The following LIG3 variants were observed in gnomAD, a reference collection of about 807,000 sequenced individuals.
LIG3 encodes ligase II, DNA, ATP-dependent.
In LIG3, 58 loss-of-function variants were observed where a neutral mutation model predicts 110.9. The observed-to-expected ratio is 0.52, with a 90% CI of 0.42 to 0.65. LIG3 has a LOEUF of 0.65. Among genes scored for constraint, LIG3 ranks in the 30% least tolerant of loss-of-function variants. LIG3 has a pLI of 0.00. For missense variants in LIG3, 1,094 were observed against 1,273.8 expected, an observed-to-expected ratio of 0.86 and a Z score of 2.15; for synonymous variants, 422 against 472.8, an observed-to-expected ratio of 0.89 and a Z score of 1.39.
chr17:35,008,520 C>A lies in LIG3; in HGVS notation c.*4014C>A, dbSNP rs1225392625. 1 of 152,034 alleles carries A rather than the reference C, an allele frequency of 6.6e-6. No homozygotes were observed. The highest frequency in any genetic ancestry group is 1.9e-4 in the East Asian group (1 of 5,188). The allele number at this position is 152,034 out of a possible 1,614,324, so 9.4% of individuals were successfully genotyped here. On this transcript the variant is annotated 3_prime_UTR_variant, in exon 20 of 20. Transcript: ENST00000378526. Reference sequence around the variant, plus strand: ...GATCAGAGCTCACTGCAGCTTCAATCTCCTGGCTCAAGTGATCCTCCCACC... The same window carrying A: ...GATCAGAGCTCACTGCAGCTTCAATATCCTGGCTCAAGTGATCCTCCCACC...
At chr17:34,990,808 G>C (rs2090711372) in intron 4 of LIG3, among the ~76,000 whole-genome samples, 155 bp from the exon 5 acceptor site, 1 of 152,120 alleles carries the variant, frequency 6.6e-6, no homozygotes, top group Non-Finnish European at 1.5e-5. Context: ...TTGTTGCCAG[G>C]GTGGTCTCAA....
At chr17:34,995,309 G>A (rs1299070646) in intron 9 of LIG3, among the ~76,000 whole-genome samples, 2 of 152,186 alleles carry the variant, frequency 1.3e-5, no homozygotes, top group Non-Finnish European at 2.9e-5. Context: ...TTTAATGCAG[G>A]TTCACGTGTT....
Position 34,992,032 on chromosome 17 carries a change from A to G in LIG3, c.1283A>G (p.His428Arg), listed in dbSNP as rs770563277. Residue 428 changes from histidine (H) to arginine (R), a missense_variant, in exon 7 of 20, where the codon CAT becomes CGT. His to Arg is a conservative substitution (Grantham distance 29). Transcript: ENST00000378526. ...HDLKMNSGAK[H>R]VLDALDPNAY... ...CTGAAGATGAACTCAGGTGCAAAACATGTGTAAGTAGCAGCTCCGCTGACA... is the reference window on the plus strand; with the variant it reads ...CTGAAGATGAACTCAGGTGCAAAACGTGTGTAAGTAGCAGCTCCGCTGACA... 2 of 1,613,654 alleles carry G rather than the reference A, an allele frequency of 1.2e-6. No individual in the cohort carries two copies. The highest frequency in any genetic ancestry group is 1.7e-5 in the Admixed American group (1 of 60,012).
rs1028887301 is a variant in LIG3, at chr17:34,989,355, G to A, written c.692-111G>A. The A allele has an allele frequency of 2.0e-5, 19 of 959,520 alleles. No homozygotes were observed. The East Asian group carries it at 3.2e-4, about 16-fold the overall frequency. 59.4% of individuals were successfully genotyped at this position (959,520 alleles called of 1,614,324 possible). A position where few individuals can be genotyped will look rare whatever the true frequency, so the allele number is the denominator to read the frequency against. On this transcript the variant is annotated intron_variant, in intron 3 of 19. Coordinates refer to ENST00000378526, the MANE Select transcript of LIG3 (RefSeq NM_013975.4). ...TGACATCTACCCCAAAAGTCTATTC[G>A]GGGAGATTAAATAAAGCTAAATACC...
intron 1 of LIG3, among the ~76,000 whole-genome samples, chr17:34,982,181 G>A (rs1196685435): frequency 6.6e-6 from 1 of 152,196 alleles, no homozygotes; most frequent in East Asian, 1.9e-4. Flanking sequence ...GCTGAGTTAG[G>A]ATTTGAACTC....
In LIG3 at chr17:35,004,527, C is replaced by T. The variant is rs1172419533; in HGVS notation, c.*21C>T. On this transcript the variant is annotated 3_prime_UTR_variant, in exon 20 of 20. Transcript: ENST00000378526. ...GCTAGGTTTGCTGTCTTCCCTCTCC[C>T]TCAGGCCATACTCTCCTTTACCATA... 14 of 1,587,124 alleles carry T rather than the reference C, an allele frequency of 8.8e-6. No homozygotes were observed. Among genetic ancestry groups the T allele is most frequent in the Admixed American group, 3.3e-5 (2 of 59,872 alleles).
chr17:34,982,633 G>A (rs1279102462), intron 1 of LIG3, among the ~76,000 whole-genome samples: 2 of 149,006 alleles, frequency 1.3e-5, no homozygotes, highest in South Asian at 2.1e-4. Context: ...GGCAATTAAA[G>A]TGAAACTCCG....
At chr17:35,001,132 C>T (rs915656777) in intron 16 of LIG3, 125 bp from the exon 17 acceptor site, 4 of 978,330 alleles carry the variant, frequency 4.1e-6, no homozygotes, top group Non-Finnish European at 4.6e-6. Flanking sequence ...TCTCAAACTC[C>T]TGACCTCAAG....
intron 3 of LIG3, 102 bp from the exon 4 acceptor site, chr17:34,989,364 A>T: frequency 9.4e-7 from 1 of 1,062,366 alleles, no homozygotes; most frequent in Non-Finnish European, 1.4e-6. Flanking sequence ...CGGGGAGATT[A>T]AATAAAGCTA....
intron 6 of LIG3, 48 bp downstream of exon 6, chr17:34,991,885 T>C (rs763256892): frequency 6.2e-7 from 1 of 1,613,752 alleles, no homozygotes; most frequent in South Asian, 1.1e-5. Flanking sequence ...AGATGAACTC[T>C]CTTGGGAAGG....
chr17:35,003,251 T>C, intron 19 of LIG3: 1 of 1,201,612 alleles, frequency 8.3e-7, no homozygotes, highest in Admixed American at 2.9e-5. Flanking sequence ...GAGGAGCCTT[T>C]TCCCTGTTAC....
chr17:35,004,365 C>T lies in LIG3; in HGVS notation c.2889C>T (p.Asp963=), dbSNP rs779148040. Residue 963 remains aspartate (D), a synonymous_variant, in exon 20 of 20, where the codon GAC becomes GAT. Transcript: ENST00000378526. ...TCAGACGCTACTTTGTGGCATTCGA[C>T]GGGGACCTGGTACAGGAATTTGATA... ...SRLRRYFVAF[D]GDLVQEFDMT... is the part of the protein sequence containing the mutation. The T allele has an allele frequency of 9.3e-6, 15 of 1,614,080 alleles. No homozygotes were observed. Among genetic ancestry groups the T allele is most frequent in the Admixed American group, 5.0e-5 (3 of 60,012 alleles).
rs531309201 is a variant in LIG3 at position 34,992,051 on chromosome 17, G to A, written c.1286+16G>A. The A allele has an allele frequency of 1.5e-5, 24 of 1,607,932 alleles. No individual in the cohort carries two copies. Among genetic ancestry groups the A allele is most frequent in the South Asian group, 7.7e-5 (7 of 90,944 alleles). On this transcript the variant is annotated intron_variant, in intron 7 of 19. Coordinates refer to ENST00000378526, the MANE Select transcript of LIG3 (RefSeq NM_013975.4). Reference sequence around the variant, plus strand: ...CAAAACATGTGTAAGTAGCAGCTCCGCTGACAGCCTGAGCTGTCATTTGTT... The same window carrying A: ...CAAAACATGTGTAAGTAGCAGCTCCACTGACAGCCTGAGCTGTCATTTGTT...
chr17:34,997,625 T>A, intron 11 of LIG3, 113 bp from the exon 12 acceptor site: 1 of 780,752 alleles, frequency 1.3e-6, no homozygotes, highest in South Asian at 1.4e-5. Context: ...CTTTGATCCA[T>A]GGCAAACCCT....
chr17:34,991,729 C>T lies in LIG3; in HGVS notation c.1100C>T (p.Ala367Val). 1.2e-6 allele frequency: 2 copies of T among 1,614,072 alleles called. No homozygotes were observed. The highest frequency in any genetic ancestry group is 1.7e-6 in the Non-Finnish European group (2 of 1,179,978). ...FFEQSKSFPPAAKSLLTIQEV... is the reference protein window; with the variant it reads ...FFEQSKSFPPVAKSLLTIQEV... ...GAGCAGAGCAAGTCTTTCCCCCCAG[C>T]TGCCAAGAGCCTCCTTACCATCCAG... is the stretch of plus-strand genomic sequence containing the variant. The change falls in exon 6 of 20, where the codon GCT becomes GTT. Residue 367 changes from alanine to valine, a missense_variant. Physicochemically the swap from Ala to Val is moderately conservative, Grantham distance 64. Coordinates refer to ENST00000378526, the MANE Select transcript of LIG3 (RefSeq NM_013975.4).
At chr17:34,991,185 C>T in intron 5 of LIG3, 71 bp downstream of exon 5, 15 of 1,139,384 alleles carry the variant, frequency 1.3e-5, no homozygotes, top group South Asian at 3.3e-5. Context: ...CCTGCAGCCT[C>T]TTTTTTTTTT....
rs369936093 is a variant in LIG3 at position 34,992,511 on chromosome 17, T to A, written c.1287-13T>A. ...CAGTGGTTTTGTTTCCTTGTTCCTG[T>A]ACCCCTTGGCAGGTTAGACGCCCTT... is the stretch of plus-strand genomic sequence containing the variant. On this transcript the variant is annotated splice_polypyrimidine_tract_variant and intron_variant, in intron 7 of 19. Transcript: ENST00000378526. The A allele has an allele frequency of 6.7e-5, 105 of 1,567,960 alleles. No individual in the cohort carries two copies. Among genetic ancestry groups the A allele is most frequent in the Non-Finnish European group, 8.7e-5 (101 of 1,158,716 alleles).
intron 9 of LIG3, 59 bp downstream of exon 9, chr17:34,994,490 C>G: frequency 1.3e-6 from 2 of 1,555,624 alleles, no homozygotes; most frequent in South Asian, 2.4e-5. Flanking sequence ...CTAACAACCT[C>G]AGGGCCAGAG....
chr17:34,999,560 C>T, intron 15 of LIG3, 111 bp downstream of exon 15: 1 of 1,380,284 alleles, frequency 7.2e-7, no homozygotes, highest in Non-Finnish European at 9.9e-7. Context: ...AGAAGGGTTG[C>T]AGCTTGCTCA....
Sources: allele counts gnomAD v4.1 joint callset (sites outside exome capture counted in the v4.1 genomes callset), GRCh38; gene constraint gnomAD v4.1.1; transcripts MANE v1.5; gene names NCBI Gene and HGNC (gene_info 2026-07-23, HGNC 2026-07-21).